The following VAV2 variants were observed in gnomAD, a reference collection of about 807,000 sequenced individuals.
The protein encoded by VAV2 is guanine nucleotide exchange factor VAV2.
Under a neutral mutation model 132.5 loss-of-function variants are expected in VAV2, and 67 were observed. The ratio of observed to expected loss-of-function variants is 0.51; its 90% confidence interval spans 0.42 to 0.62. The LOEUF (loss-of-function observed/expected upper bound fraction) is 0.62. Ranked by LOEUF, VAV2 falls within the 20% of genes least tolerant of loss-of-function variation. The pLI, the probability that VAV2 is intolerant of heterozygous loss-of-function variation, is 0.00. For synonymous variants in VAV2, 492 were observed against 443.5 expected, an observed-to-expected ratio of 1.11 and a Z score of -1.37; for missense variants, 938 against 1,153.6, an observed-to-expected ratio of 0.81 and a Z score of 2.71.
chr9:133,920,647 C>T (rs1840264470), intron 2 of VAV2, among the ~76,000 whole-genome samples: 1 of 152,194 alleles, frequency 6.6e-6, no homozygotes, highest in Admixed American at 6.5e-5. Flanking sequence ...GGACCAGGTC[C>T]CGCCCACCCC....
chr9:133,970,505 G>A (rs1047497372), intron 1 of VAV2, among the ~76,000 whole-genome samples: 16 of 152,202 alleles, frequency 1.1e-4, no homozygotes, highest in South Asian at 4.2e-4. Flanking sequence ...TGGCAGTGGC[G>A]ATCACGAGGC....
chr9:133,810,187 T>C lies in VAV2; in HGVS notation c.567+4A>G, dbSNP rs1457811450. 1 of 1,613,350 alleles carries C rather than the reference T, an allele frequency of 6.2e-7. No individual in the cohort carries two copies. The highest frequency in any genetic ancestry group is 1.7e-5 in the Admixed American group (1 of 60,006). On this transcript the variant is annotated splice_donor_region_variant and intron_variant, in intron 6 of 29. Coordinates refer to ENST00000371850, the MANE Select transcript of VAV2 (RefSeq NM_001134398.2). ...TCCCCAGCCTCCCCTTCCGGGCCAC[T>C]CACCTGCATGTATCTAATCTGCAAG...
At chr9:133,934,750 G>C (rs961517354) in intron 2 of VAV2, among the ~76,000 whole-genome samples, 1 of 152,068 alleles carries the variant, frequency 6.6e-6, no homozygotes. Flanking sequence ...CCGTTCCTGG[G>C]TCTCCACCTC....
In VAV2 at chr9:133,900,424, C is replaced by T. The variant is rs796362943; in HGVS notation, c.321+38679G>A. 2.1e-4 allele frequency among the ~76,000 whole-genome samples: 32 copies of T among 152,276 alleles called. No homozygotes were observed. The East Asian group carries it at 5.4e-3, about 26-fold the overall frequency. On this transcript the variant is annotated intron_variant, in intron 2 of 29. Transcript: ENST00000371850. ...AGGTCTTAGAAACCAGAACCCCTTT[C>T]CCCTAAAGCCAGTCATCAAACCTAA... is the stretch of plus-strand genomic sequence containing the variant.
intron 2 of VAV2, among the ~76,000 whole-genome samples, chr9:133,923,912 G>T (rs1840380862): frequency 6.6e-6 from 1 of 151,994 alleles, no homozygotes; most frequent in East Asian, 1.9e-4. Context: ...AACACTGCAT[G>T]TTCTCACTCA....
At chr9:133,914,943 G>A (rs932428062) in intron 2 of VAV2, among the ~76,000 whole-genome samples, 7 of 151,952 alleles carry the variant, frequency 4.6e-5, no homozygotes, top group African/African-American at 1.5e-4. Flanking sequence ...TCCACTCAGC[G>A]CCACACCAGT....
At chr9:133,880,242 C>T (rs1838437752) in intron 2 of VAV2, among the ~76,000 whole-genome samples, 1 of 152,180 alleles carries the variant, frequency 6.6e-6, no homozygotes, top group Non-Finnish European at 1.5e-5. Context: ...CTCTGTGTGC[C>T]CCACCGGAGG....
chr9:133,766,689 T>C (rs1019973341), intron 29 of VAV2, among the ~76,000 whole-genome samples: 1 of 148,996 alleles, frequency 6.7e-6, no homozygotes, highest in African/African-American at 2.5e-5. Flanking sequence ...CACACCAACA[T>C]GGCACATGTA....
chr9:133,842,522 G>C (rs927672228), intron 3 of VAV2, among the ~76,000 whole-genome samples: 1 of 152,224 alleles, frequency 6.6e-6, no homozygotes, highest in Admixed American at 6.5e-5. Flanking sequence ...CTTGGGATGC[G>C]GGACTTTTGA....
rs1837426388 is a variant in VAV2, at chr9:133,857,412, G to A, written c.380+3962C>T. ...CATCAGCCTCTGAGAAGTATAATTG[G>A]GGCTTTTATGGAAAATCAGCTCATT... On this transcript the variant is annotated intron_variant, in intron 3 of 29. Coordinates refer to ENST00000371850, the MANE Select transcript of VAV2 (RefSeq NM_001134398.2). The surrounding 1 kb of genome is among the most constrained non-coding windows in gnomAD (Gnocchi z 4.0). Among the ~76,000 whole-genome samples, 1 of 152,178 alleles carries A rather than the reference G, an allele frequency of 6.6e-6. No individual in the cohort carries two copies. Among genetic ancestry groups the A allele is most frequent in the Admixed American group, 6.5e-5 (1 of 15,280 alleles).
At chr9:133,989,433 T>C (rs1410114124) in intron 1 of VAV2, among the ~76,000 whole-genome samples, 1 of 150,148 alleles carries the variant, frequency 6.7e-6, no homozygotes, top group Non-Finnish European at 1.5e-5. Context: ...GGCAGGAGAA[T>C]TGCTTGAACC....
intron 29 of VAV2, among the ~76,000 whole-genome samples, chr9:133,764,633 T>A (rs957510220): frequency 6.6e-6 from 1 of 151,906 alleles, no homozygotes; most frequent in African/African-American, 2.4e-5. Context: ...AAATGAAGAA[T>A]CCAATAGAGG....
Position 133,780,179 on chromosome 9 carries a change from A to C in VAV2, c.1741-240T>G, listed in dbSNP as rs192371920. On this transcript the variant is annotated intron_variant, in intron 20 of 29. Coordinates refer to ENST00000371850, the MANE Select transcript of VAV2 (RefSeq NM_001134398.2). ...GCCCTTCTCTCTCCCACTCCTTACC[A>C]CGGGCCCCCACCTCCTCCAGGAAGC... is the stretch of plus-strand genomic sequence containing the variant. 1.4e-3 allele frequency: 760 copies of C among 547,846 alleles called. 4 individuals are homozygous for C. The highest frequency in any genetic ancestry group is 9.0e-3 in the African/African-American group (461 of 50,978). 33.9% of individuals were successfully genotyped at this position (547,846 alleles called of 1,614,324 possible).
intron 1 of VAV2, among the ~76,000 whole-genome samples, chr9:133,990,858 G>A (rs948556800): frequency 6.6e-6 from 1 of 152,138 alleles, no homozygotes; most frequent in Non-Finnish European, 1.5e-5. Context: ...CTCCTGCTAA[G>A]CCGGTCCAGG....
rs576352014 is a variant in VAV2, at chr9:133,961,752, C to T, written c.205-22533G>A. 1.3e-5 allele frequency among the ~76,000 whole-genome samples: 2 copies of T among 152,308 alleles called. No homozygotes were observed. The highest frequency in any genetic ancestry group is 6.5e-5 in the Admixed American group (1 of 15,308). ...GAAAAGACACAGGACACAACCACGG[C>T]CCAGTGGCTCAGGGAGAAGACCCGG... On this transcript the variant is annotated intron_variant, in intron 1 of 29. Transcript: ENST00000371850. This position sits in a 1 kb window ranked among gnomAD's most constrained non-coding sequence, Gnocchi z 4.1.
At chr9:133,841,092 C>G (rs975746260) in intron 3 of VAV2, among the ~76,000 whole-genome samples, 4 of 152,086 alleles carry the variant, frequency 2.6e-5, no homozygotes, top group African/African-American at 9.7e-5. Flanking sequence ...CACAGCTGCC[C>G]TCCTTCCCAG....
At chr9:133,787,330 T>A in intron 15 of VAV2, 70 bp from the exon 16 acceptor site, 2 of 1,467,600 alleles carry the variant, frequency 1.4e-6, no homozygotes, top group South Asian at 3.0e-5. Context: ...CTGTGGTGGG[T>A]GCCGCAGTGT....
At chr9:133,816,807 T>A (rs998891063) in intron 4 of VAV2, among the ~76,000 whole-genome samples, 2 of 152,222 alleles carry the variant, frequency 1.3e-5, no homozygotes, top group African/African-American at 4.8e-5. Flanking sequence ...ATTGACCAAA[T>A]AAGGGTGAGT....
At chr9:133,786,842 G>A (rs569817761) in intron 16 of VAV2, among the ~76,000 whole-genome samples, 3 of 152,338 alleles carry the variant, frequency 2.0e-5, no homozygotes, top group South Asian at 2.1e-4. Context: ...AAAGAGGAAC[G>A]AAGGGAGGGA....
Sources: allele counts gnomAD v4.1 joint callset (sites outside exome capture counted in the v4.1 genomes callset), GRCh38; gene constraint gnomAD v4.1.1; non-coding constraint Gnocchi (gnomAD v3.1); transcripts MANE v1.5; gene names NCBI Gene and HGNC (gene_info 2026-07-23, HGNC 2026-07-21).